DLG2: variants seen among roughly 807,000 people sequenced by gnomAD.
DLG2 encodes disks large homolog 2.
In DLG2, 45 loss-of-function variants were observed where a neutral mutation model predicts 132.5. The ratio of observed to expected loss-of-function variants is 0.34; its 90% CI spans 0.27 to 0.44. The LOEUF is 0.44. Among genes scored for constraint, DLG2 ranks in the 20% least tolerant of loss-of-function variants. The pLI, the probability that DLG2 is intolerant of heterozygous loss-of-function variation, is 1.00. For synonymous variants in DLG2, 424 were observed against 419.6 expected (o/e 1.01, Z -0.13); for missense variants, 1,045 against 1,196.9 (o/e 0.87, Z 1.87).
intron 18 of DLG2, among the ~76,000 whole-genome samples, chr11:83,763,942 C>T (rs1259953588): frequency 6.6e-6 from 1 of 152,082 alleles, no homozygotes; most frequent in African/African-American, 2.4e-5. Context: ...TAAAGTGGTT[C>T]CATTTATAGA....
At chr11:84,677,462 G>T (rs2099715990) in intron 6 of DLG2, among the ~76,000 whole-genome samples, 1 of 152,116 alleles carries the variant, frequency 6.6e-6, no homozygotes, top group African/African-American at 2.4e-5. Flanking sequence ...GACCATACTG[G>T]AACAAAAATC....
At position 83,481,636 on chromosome 11, in the gene DLG2, C is replaced by T. The variant is rs1231501205; in HGVS notation, c.2293+2493G>A. On this transcript the variant is annotated intron_variant, in intron 22 of 27. Coordinates refer to ENST00000376104, the MANE Select transcript of DLG2 (RefSeq NM_001142699.3). Reference sequence around the variant, plus strand: ...TCTTTGTGTTGGTCTGTGATCAGAACTGCATTACTAATTTGGGCACATGTT... The same window carrying T: ...TCTTTGTGTTGGTCTGTGATCAGAATTGCATTACTAATTTGGGCACATGTT... 2.0e-5 allele frequency among the ~76,000 whole-genome samples: 3 copies of T among 152,054 alleles called. 1 individual carries two copies. In the South Asian group the frequency reaches 6.2e-4, roughly 31 times the overall value.
At chr11:85,162,114 G>A (rs1490257438) in intron 4 of DLG2, among the ~76,000 whole-genome samples, 4 of 152,180 alleles carry the variant, frequency 2.6e-5, no homozygotes, top group Non-Finnish European at 5.9e-5. Context: ...CCACTTTTAA[G>A]TCAACAGGCT....
chr11:84,866,315 C>T (rs2084558024), intron 6 of DLG2, among the ~76,000 whole-genome samples: 1 of 152,122 alleles, frequency 6.6e-6, no homozygotes, highest in African/African-American at 2.4e-5. Flanking sequence ...CCACAAAAAC[C>T]ACAACCCACA....
At chr11:84,822,112 G>A (rs1057254527) in intron 6 of DLG2, among the ~76,000 whole-genome samples, 1 of 151,670 alleles carries the variant, frequency 6.6e-6, no homozygotes, top group Non-Finnish European at 1.5e-5. Flanking sequence ...CAAAAGATAC[G>A]GCCCATAAGT....
intron 6 of DLG2, among the ~76,000 whole-genome samples, chr11:84,874,768 C>G (rs2086060959): frequency 6.6e-6 from 1 of 152,030 alleles, no homozygotes; most frequent in African/African-American, 2.4e-5. Context: ...TATCTGTAAT[C>G]CCAGCACTTC....
chr11:84,472,284 C>T (rs1037490091), intron 7 of DLG2, among the ~76,000 whole-genome samples: 1 of 151,858 alleles, frequency 6.6e-6, no homozygotes, highest in African/African-American at 2.4e-5. Flanking sequence ...TTGGCTCATA[C>T]ATAAACCAGC....
intron 2 of DLG2, among the ~76,000 whole-genome samples, chr11:85,615,618 A>T (rs1245849691): frequency 6.6e-6 from 1 of 152,238 alleles, no homozygotes. Context: ...AAAATTTGGA[A>T]TTTAAATAGT....
intron 6 of DLG2, among the ~76,000 whole-genome samples, chr11:84,809,386 T>C (rs1021589122): frequency 1.3e-5 from 2 of 151,796 alleles, no homozygotes; most frequent in Non-Finnish European, 2.9e-5. Flanking sequence ...CAAGGATATC[T>C]TTCCCACCAC....
intron 6 of DLG2, among the ~76,000 whole-genome samples, chr11:85,028,132 G>T (rs1555344914): frequency 4.6e-5 from 7 of 152,136 alleles, no homozygotes; most frequent in Non-Finnish European, 4.4e-5. Context: ...AGAGGGATCT[G>T]CAGTGGGTGG....
At chr11:85,272,995 A>C (rs1196209530) in intron 4 of DLG2, among the ~76,000 whole-genome samples, 32 of 152,140 alleles carry the variant, frequency 2.1e-4, no homozygotes, top group African/African-American at 2.9e-4. Flanking sequence ...CAAAAACAAG[A>C]AATGGGGAAA....
chr11:84,254,560 C>T (rs2154353097), intron 7 of DLG2, among the ~76,000 whole-genome samples: 1 of 152,294 alleles, frequency 6.6e-6, no homozygotes, highest in South Asian at 2.1e-4. Flanking sequence ...TTGTAAAGCA[C>T]TTCTAAAGAA....
At chr11:85,567,795 T>A (rs1297014608) in intron 3 of DLG2, among the ~76,000 whole-genome samples, 2 of 152,106 alleles carry the variant, frequency 1.3e-5, no homozygotes, top group Non-Finnish European at 2.9e-5. Context: ...TGAGGAAGTA[T>A]CTTTTTAGTC....
chr11:83,856,842 T>G (rs938187226), intron 16 of DLG2, among the ~76,000 whole-genome samples: 7 of 152,232 alleles, frequency 4.6e-5, no homozygotes, highest in African/African-American at 1.7e-4. Flanking sequence ...AAATATCATT[T>G]GCCAGTTTTT....
chr11:85,467,075 G>C (rs1031346619), intron 3 of DLG2, among the ~76,000 whole-genome samples: 7 of 152,158 alleles, frequency 4.6e-5, no homozygotes, highest in African/African-American at 1.7e-4. Context: ...TGAAGCAACT[G>C]TGAATGGGAG....
intron 6 of DLG2, chr11:84,720,827 T>G (rs1415072689): frequency 2.0e-5 from 3 of 152,122 alleles, no homozygotes; most frequent in African/African-American, 2.4e-5. Flanking sequence ...GGGGCTGAAA[T>G]TATTCCCTCT....
Position 84,147,930 on chromosome 11 carries a change from G to A in DLG2, c.624+15531C>T, listed in dbSNP as rs890991605. ...CTGATAATCTAGTATCTAGTTCTAG[G>A]AACTCTTTTAGGCATTCATATGTTA... On this transcript the variant is annotated intron_variant, in intron 9 of 27. Transcript: ENST00000376104. Among the ~76,000 whole-genome samples the A allele has an allele frequency of 2.6e-5, 4 of 151,916 alleles. 1 individual carries two copies. The South Asian group carries it at 6.2e-4, about 24-fold the overall frequency.
At chr11:84,182,805 T>C (rs1596855430) in intron 8 of DLG2, among the ~76,000 whole-genome samples, 1 of 152,062 alleles carries the variant, frequency 6.6e-6, no homozygotes, top group South Asian at 2.1e-4. Context: ...CAACAAAATA[T>C]TGGCTATTTT....
intron 17 of DLG2, among the ~76,000 whole-genome samples, chr11:83,822,084 C>A (rs568491492): frequency 6.6e-6 from 1 of 152,230 alleles, no homozygotes; most frequent in African/African-American, 2.4e-5. Flanking sequence ...GACTTTGAAG[C>A]TGGGCAGACC....
Sources: gnomAD v4.1 joint callset for allele counts (sites outside exome capture counted in the v4.1 genomes callset) on GRCh38, gnomAD v4.1.1 for gene constraint, MANE v1.5 for transcripts, NCBI Gene and HGNC (gene_info 2026-07-23, HGNC 2026-07-21) for gene names.